PIP5K1A: variants seen among roughly 807,000 people sequenced by gnomAD.
PIP5K1A encodes phosphatidylinositol-4-phosphate 5-kinase type 1 alpha.
A neutral mutation model predicts 72.9 loss-of-function variants in PIP5K1A; 46 were observed. That is an observed-to-expected ratio of 0.63 (90% CI 0.50 to 0.81). PIP5K1A has a LOEUF of 0.81. PIP5K1A is among the 30% of genes least tolerant of loss of function. PIP5K1A has a pLI of 0.00. For missense variants in PIP5K1A, 458 were observed against 706.1 expected (o/e 0.65, Z 3.98); for synonymous variants, 228 against 255.1 (o/e 0.89, Z 1.01).
chr1:151,216,347 TCA>T, intron 1 of PIP5K1A, among the ~76,000 whole-genome samples: 1 of 118,468 alleles, frequency 8.4e-6, no homozygotes, highest in African/African-American at 3.2e-5. Flanking sequence ...AGACTCCGTC[TCA>T]AAAAAAAAAA....
chr1:151,215,872 C>CT, intron 1 of PIP5K1A: 1 of 630,450 alleles, frequency 1.6e-6, no homozygotes, highest in Admixed American at 2.4e-5. Flanking sequence ...TAATTTTAAA[C>CT]TTTAGAGTTT....
intron 3 of PIP5K1A, among the ~76,000 whole-genome samples, chr1:151,226,123 T>C (rs72994055): frequency 0.16 from 23,904 of 149,106 alleles, 2,057 homozygotes; most frequent in Admixed American, 0.2. Context: ...AGTCTTGCTC[T>C]GTCACCCAGG....
chr1:151,204,374 G>T (rs1048058407), intron 1 of PIP5K1A, among the ~76,000 whole-genome samples: 2 of 151,980 alleles, frequency 1.3e-5, no homozygotes, highest in African/African-American at 4.8e-5. Context: ...ACGGGGTTTC[G>T]CCATGTTGGC....
chr1:151,245,452 C>G (rs907113348), intron 14 of PIP5K1A, among the ~76,000 whole-genome samples: 1 of 152,050 alleles, frequency 6.6e-6, no homozygotes, highest in Admixed American at 6.6e-5. Context: ...CAAGCCACCC[C>G]CAATGTTTTG....
chr1:151,213,517 AAG>A (rs1687151327), intron 1 of PIP5K1A: 1 of 152,144 alleles, frequency 6.6e-6, no homozygotes, highest in Non-Finnish European at 1.5e-5. Context: ...TTCCCTTTTT[AAG>A]AGAGAATCTC....
intron 1 of PIP5K1A, among the ~76,000 whole-genome samples, chr1:151,210,615 C>T (rs997448460): frequency 2.0e-5 from 3 of 151,974 alleles, no homozygotes; most frequent in African/African-American, 7.3e-5. Context: ...GATGGAGTCT[C>T]GCTCTGTTGC....
At chr1:151,244,379 GT>G (rs1251307625) in intron 14 of PIP5K1A, among the ~76,000 whole-genome samples, 2 of 152,178 alleles carry the variant, frequency 1.3e-5, no homozygotes, top group African/African-American at 4.8e-5. Flanking sequence ...AGGGCCAGGC[GT>G]GATGGCTCAC....
chr1:151,199,034 G>GT lies in PIP5K1A; in HGVS notation c.43dup (p.Ser15PhefsTer4). On this transcript the variant is annotated frameshift_variant, in exon 1 of 16. Transcript: ENST00000368888. LOFTEE classifies it high-confidence loss of function. ...TCCTCCGGGCCGTCGTCTTCGGTCG[G>GT]TTTTTCATCCTTTGATCCCGCGGTC... The GT allele has an allele frequency of 6.2e-7, 1 of 1,614,204 alleles. No homozygotes were observed. The highest frequency in any genetic ancestry group is 8.5e-7 in the Non-Finnish European group (1 of 1,180,044).
At chr1:151,240,114 C>A in intron 12 of PIP5K1A, 75 bp downstream of exon 12, 1 of 1,043,192 alleles carries the variant, frequency 9.6e-7, no homozygotes, top group Non-Finnish European at 1.5e-6. Context: ...GAGGGCAGGA[C>A]ACCTCTGGTA....
chr1:151,247,874 C>T lies in PIP5K1A; in HGVS notation c.*9C>T. 6.2e-7 allele frequency: 1 copy of T among 1,609,236 alleles called. No homozygotes were observed. The highest frequency in any genetic ancestry group is 8.5e-7 in the Non-Finnish European group (1 of 1,175,618). ...CTCTCCCTTTTCAGTAAGCGCAAAG[C>T]CTCAGAAGACCTGGAACAAGATTCT... On this transcript the variant is annotated 3_prime_UTR_variant, in exon 16 of 16. Transcript: ENST00000368888.
At chr1:151,213,661 A>G (rs1341544667) in intron 1 of PIP5K1A, 2 of 152,080 alleles carry the variant, frequency 1.3e-5, no homozygotes, top group African/African-American at 4.8e-5. Context: ...CATTTCTGGC[A>G]TTTTCTTTTC....
At chr1:151,247,076 T>G (rs1692608976) in intron 15 of PIP5K1A, 111 bp downstream of exon 15, 1 of 509,184 alleles carries the variant, frequency 2.0e-6, no homozygotes, top group Non-Finnish European at 3.5e-6. Context: ...GGGTACCTCC[T>G]AAATCTTGTT....
chr1:151,230,375 G>A (rs1016315546), intron 4 of PIP5K1A, among the ~76,000 whole-genome samples: 1 of 152,330 alleles, frequency 6.6e-6, no homozygotes, highest in East Asian at 1.9e-4. Flanking sequence ...AGACAGCAAA[G>A]ATCTAGATGA....
chr1:151,214,495 C>T (rs587699405), intron 1 of PIP5K1A, among the ~76,000 whole-genome samples: 1 of 152,152 alleles, frequency 6.6e-6, no homozygotes, highest in Admixed American at 6.6e-5. Context: ...ATTCTCGTGC[C>T]TCAGCATCCC....
At chr1:151,223,678 A>G (rs1353721962) in intron 1 of PIP5K1A, among the ~76,000 whole-genome samples, 2 of 148,200 alleles carry the variant, frequency 1.3e-5, no homozygotes, top group Non-Finnish European at 3.0e-5. Flanking sequence ...GCGAGACTCC[A>G]TCTAAAAAAT....
rs1378269733 is a variant in PIP5K1A, at chr1:151,238,249, A to G, written c.1213A>G (p.Ile405Val). 5 of 1,608,380 alleles carry G rather than the reference A, an allele frequency of 3.1e-6. No homozygotes were observed. Among genetic ancestry groups the G allele is most frequent in the African/African-American group, 1.3e-5 (1 of 74,818 alleles). ...TCTGCTTTATATTGGCATCATTGAC[A>G]TTCTACAGTCTTACAGGTGAGGAGC... ...RLLLYIGIID[I>V]LQSYRFVKKL... The change falls in exon 10 of 16, where the codon ATT becomes GTT. Residue 405 changes from isoleucine to valine, a missense_variant. Transcript: ENST00000368888.
intron 14 of PIP5K1A, 28 bp from the exon 15 acceptor site, chr1:151,246,892 T>G (rs780318206): frequency 6.3e-7 from 1 of 1,586,162 alleles, no homozygotes; most frequent in South Asian, 1.1e-5. Context: ...TCTTTTTCTC[T>G]CTGCTTCCAT....
chr1:151,218,223 C>T (rs1570838905), intron 1 of PIP5K1A, among the ~76,000 whole-genome samples: 1 of 152,148 alleles, frequency 6.6e-6, no homozygotes, highest in East Asian at 1.9e-4. Flanking sequence ...CTGGCATTGC[C>T]TAATTCAGAA....
At chr1:151,232,960 C>T (rs191056845) in intron 7 of PIP5K1A, among the ~76,000 whole-genome samples, 25 of 151,906 alleles carry the variant, frequency 1.6e-4, no homozygotes, top group African/African-American at 5.5e-4. Flanking sequence ...ATTAGCCAGG[C>T]GTGGTAGCGG....
Sources: gnomAD v4.1 joint callset for allele counts (sites outside exome capture counted in the v4.1 genomes callset) on GRCh38, gnomAD v4.1.1 for gene constraint, MANE v1.5 for transcripts, NCBI Gene and HGNC (gene_info 2026-07-23, HGNC 2026-07-21) for gene names.